The following TP63 variants were observed in gnomAD, a reference collection of about 807,000 sequenced individuals.
The protein encoded by TP63 is tumor protein 63.
TP63 carries 17 observed loss-of-function variants against 82.8 expected under a neutral mutation model. That is an observed-to-expected ratio of 0.21 (90% CI 0.14 to 0.31). The LOEUF is 0.31. Among genes scored for constraint, TP63 ranks in the 10% least tolerant of loss-of-function variants. The pLI is 1.00. For synonymous variants in TP63, 330 were observed against 321.7 expected, an observed-to-expected ratio of 1.03 and a Z score of -0.28; for missense variants, 648 against 895.3, an observed-to-expected ratio of 0.72 and a Z score of 3.52.
intron 3 of TP63, among the ~76,000 whole-genome samples, chr3:189,787,553 C>T (rs1282860324): frequency 6.6e-6 from 1 of 152,084 alleles, no homozygotes; most frequent in Non-Finnish European, 1.5e-5. Flanking sequence ...TATTTGGATT[C>T]ATGCTGATAG....
At chr3:189,686,279 T>A (rs547064108) in intron 1 of TP63, among the ~76,000 whole-genome samples, 13 of 152,306 alleles carry the variant, frequency 8.5e-5, no homozygotes, top group Non-Finnish European at 1.6e-4. Context: ...ATATTTTAGA[T>A]TCTGTCTTTG....
intron 1 of TP63, among the ~76,000 whole-genome samples, chr3:189,721,085 A>C (rs1217685237): frequency 1.3e-5 from 2 of 152,226 alleles, no homozygotes; most frequent in Non-Finnish European, 2.9e-5. Context: ...GCAGAGATTT[A>C]GAGGCCTGAT....
At chr3:189,854,977 A>G (rs1487608490) in intron 4 of TP63, among the ~76,000 whole-genome samples, 1 of 152,226 alleles carries the variant, frequency 6.6e-6, no homozygotes, top group Non-Finnish European at 1.5e-5. Flanking sequence ...GACATTTGAA[A>G]TGCAGCAGAA....
intron 1 of TP63, among the ~76,000 whole-genome samples, chr3:189,692,013 T>G (rs943831959): frequency 6.6e-6 from 1 of 152,216 alleles, no homozygotes; most frequent in Non-Finnish European, 1.5e-5. Context: ...AATTCAATGC[T>G]TTTCTTTTAT....
chr3:189,752,571 G>A (rs1195896303), intron 3 of TP63, among the ~76,000 whole-genome samples: 1 of 152,062 alleles, frequency 6.6e-6, no homozygotes, highest in Non-Finnish European at 1.5e-5. Flanking sequence ...TTTTCTCTCA[G>A]TCTTACCAGA....
Position 189,894,480 on chromosome 3 carries a change from G to C in TP63, c.2021G>C (p.Arg674Pro), listed in dbSNP as rs34713855. ...GATGCTCGCCGCAATAAGCAACAGC[G>C]CATCAAAGAGGAGGGGGAGTGAGCC... ...DMDARRNKQQRIKEEGE is the reference protein window; with the variant it reads ...DMDARRNKQQPIKEEGE Residue 674 changes from arginine (R) to proline (P), a missense_variant, in exon 14 of 14, where the codon CGC becomes CCC. Physicochemically the swap from Arg to Pro is moderately radical, Grantham distance 103 (BLOSUM62 -2). This residue lies in a region of TP63 where 342 missense variants were observed against 425.7 expected (regional missense o/e 0.80). Coordinates refer to ENST00000264731, the MANE Select transcript of TP63 (RefSeq NM_003722.5). 2 of 1,613,608 alleles carry C rather than the reference G, an allele frequency of 1.2e-6. No homozygotes were observed. Among genetic ancestry groups the C allele is most frequent in the South Asian group, 2.2e-5 (2 of 91,052 alleles).
At chr3:189,827,575 A>T (rs575476530) in intron 4 of TP63, among the ~76,000 whole-genome samples, 115 of 152,332 alleles carry the variant, frequency 7.5e-4, no homozygotes, top group African/African-American at 2.6e-3. Flanking sequence ...GGATAAGCAA[A>T]GTCTTGGGAA....
intron 1 of TP63, among the ~76,000 whole-genome samples, chr3:189,712,863 C>T (rs1357841129): frequency 1.3e-5 from 2 of 152,118 alleles, no homozygotes; most frequent in African/African-American, 2.4e-5. Context: ...AAGCTCAGAT[C>T]ATTAGGTGTC....
intron 10 of TP63, among the ~76,000 whole-genome samples, chr3:189,879,072 G>A (rs984769287): frequency 1.1e-4 from 16 of 152,204 alleles, no homozygotes; most frequent in African/African-American, 3.9e-4. Flanking sequence ...CCTCATTGCA[G>A]AATCAGGCTC....
intron 4 of TP63, among the ~76,000 whole-genome samples, chr3:189,843,740 CAA>C (rs1040134369): frequency 8.5e-5 from 13 of 152,072 alleles, no homozygotes; most frequent in Non-Finnish European, 1.8e-4. Flanking sequence ...ATTTGTGAAT[CAA>C]AAAATCCGGG....
At chr3:189,786,737 A>C (rs1724633366) in intron 3 of TP63, among the ~76,000 whole-genome samples, 1 of 152,052 alleles carries the variant, frequency 6.6e-6, no homozygotes, top group Non-Finnish European at 1.5e-5. Flanking sequence ...ATGACTGAGA[A>C]AAGGCAAGAG....
intron 1 of TP63, among the ~76,000 whole-genome samples, chr3:189,736,848 C>G (rs531152145): frequency 1.3e-5 from 2 of 151,978 alleles, no homozygotes; most frequent in Non-Finnish European, 2.9e-5. Flanking sequence ...AACAGTAACA[C>G]TTAAGAACTT....
At chr3:189,674,877 A>G (rs1023882010) in intron 1 of TP63, among the ~76,000 whole-genome samples, 13 of 152,148 alleles carry the variant, frequency 8.5e-5, no homozygotes, top group Non-Finnish European at 1.5e-4. Flanking sequence ...TATGTAGCAC[A>G]TCAAGTGTAA....
intron 3 of TP63, among the ~76,000 whole-genome samples, chr3:189,801,453 C>T (rs1482864777): frequency 6.6e-6 from 1 of 151,900 alleles, no homozygotes; most frequent in Non-Finnish European, 1.5e-5. Flanking sequence ...ATTGGGATGC[C>T]TTCTGATTTT....
intron 4 of TP63, among the ~76,000 whole-genome samples, chr3:189,839,765 C>CT (rs958326305): frequency 3.9e-5 from 6 of 152,264 alleles, no homozygotes; most frequent in African/African-American, 1.4e-4. Context: ...TATCATGTGG[C>CT]TTTTTCTCCA....
At chr3:189,600,973 A>G in the TP63 span, among the ~76,000 whole-genome samples, 2 of 152,238 alleles carry the variant, frequency 1.3e-5, no homozygotes, top group Non-Finnish European at 1.5e-5. Context: ...TGAATCTCTA[A>G]TCAGTACAAC....
intron 4 of TP63, among the ~76,000 whole-genome samples, chr3:189,818,989 C>A (rs1728496982): frequency 6.6e-6 from 1 of 152,120 alleles, no homozygotes; most frequent in Non-Finnish European, 1.5e-5. Flanking sequence ...TTTCTTATAA[C>A]CTTTCTATAC....
intron 1 of TP63, among the ~76,000 whole-genome samples, chr3:189,632,782 T>A (rs1729543610): frequency 6.6e-6 from 1 of 152,128 alleles, no homozygotes; most frequent in Non-Finnish European, 1.5e-5. Context: ...TGTTCTTGTA[T>A]AATGTGAAAA....
chr3:189,782,524 T>C (rs9849766), intron 3 of TP63, among the ~76,000 whole-genome samples: 52,668 of 151,940 alleles, frequency 0.35, 9,531 homozygotes, highest in African/African-American at 0.42. Flanking sequence ...ATAGGAGATA[T>C]TTAGTAGCCA....
Sources: gnomAD v4.1 joint callset for allele counts (sites outside exome capture counted in the v4.1 genomes callset) on GRCh38, gnomAD v4.1.1 for gene constraint, gnomAD v4.1.1 regional missense constraint, MANE v1.5 for transcripts, NCBI Gene and HGNC (gene_info 2026-07-23, HGNC 2026-07-21) for gene names.